Variants in MYO5B observed in about 807,000 individuals in gnomAD.
MYO5B encodes unconventional myosin-Vb.
Under a neutral mutation model 229.3 loss-of-function variants are expected in MYO5B, and 143 were observed. The observed-to-expected ratio is 0.62, with a 90% CI of 0.54 to 0.72. The LOEUF is 0.72. Among genes scored for constraint, MYO5B ranks in the 30% least tolerant of loss-of-function variants. MYO5B has a pLI of 0.00. For synonymous variants in MYO5B, 918 were observed against 885.2 expected, an observed-to-expected ratio of 1.04 and a Z score of -0.66; for missense variants, 2,321 against 2,331.0, an observed-to-expected ratio of 1.00 and a Z score of 0.09.
At chr18:49,864,991 C>A (rs1196054152) in intron 27 of MYO5B, among the ~76,000 whole-genome samples, 1 of 152,158 alleles carries the variant, frequency 6.6e-6, no homozygotes. Context: ...AGGAACTCAA[C>A]TTTGGAACAT....
rs887713195 is a variant in MYO5B at position 49,954,325 on chromosome 18, G to C, written c.1656C>G (p.His552Gln). 2 of 1,614,018 alleles carry C rather than the reference G, an allele frequency of 1.2e-6. No homozygotes were observed. The highest frequency in any genetic ancestry group is 2.2e-5 in the South Asian group (2 of 91,078). The change falls in exon 13 of 40, where the codon CAC becomes CAG. Residue 552 changes from histidine (H) to glutamine (Q), a missense_variant. Around this residue, in one of 2 missense-constraint regions of MYO5B, gnomAD observed 2,113 missense variants for 2,044.7 expected, o/e 1.03. Coordinates refer to ENST00000285039, the MANE Select transcript of MYO5B (RefSeq NM_001080467.3). ...RMSNTAFIIV[H>Q]FADKVEYLSD... is the part of the protein sequence containing the mutation. ...AGAGGAGAGCCACCTTGTCTGCAAA[G>C]TGGACGATGATGAAGGCCGTGTTGG...
chr18:50,142,319 G>C (rs771772936), intron 1 of MYO5B, among the ~76,000 whole-genome samples: 7 of 152,196 alleles, frequency 4.6e-5, no homozygotes, highest in Non-Finnish European at 8.8e-5. Flanking sequence ...TGTTATGAAA[G>C]TGGCTTCAGC....
intron 1 of MYO5B, among the ~76,000 whole-genome samples, chr18:50,112,374 C>T (rs949442064): frequency 1.3e-5 from 2 of 152,166 alleles, no homozygotes; most frequent in Admixed American, 6.5e-5. Flanking sequence ...CCCAACAATA[C>T]TGGCCCATCA....
At chr18:49,890,282 A>G (rs1357726856) in intron 22 of MYO5B, among the ~76,000 whole-genome samples, 1 of 152,206 alleles carries the variant, frequency 6.6e-6, no homozygotes, top group Non-Finnish European at 1.5e-5. Flanking sequence ...ATGCTTTAAC[A>G]ACATAAAACA....
intron 1 of MYO5B, among the ~76,000 whole-genome samples, chr18:50,083,581 T>C (rs2338686): frequency 0.12 from 18,934 of 152,270 alleles, 1,343 homozygotes; most frequent in East Asian, 0.24. Flanking sequence ...CAGGCATGCA[T>C]GCTGCATGTG....
intron 8 of MYO5B, among the ~76,000 whole-genome samples, chr18:49,981,373 A>C (rs147538117): frequency 2.4e-3 from 363 of 152,320 alleles, no homozygotes; most frequent in African/African-American, 8.3e-3. Flanking sequence ...TTTTAAGGCA[A>C]TATTTTATTC....
At chr18:50,119,669 T>C (rs2032025912) in intron 1 of MYO5B, among the ~76,000 whole-genome samples, 1 of 152,172 alleles carries the variant, frequency 6.6e-6, no homozygotes, top group African/African-American at 2.4e-5. Context: ...CTCCTTCTCC[T>C]AAGGGAGGGA....
At chr18:50,024,282 A>G (rs1223841138) in intron 4 of MYO5B, among the ~76,000 whole-genome samples, 1 of 152,142 alleles carries the variant, frequency 6.6e-6, no homozygotes, top group Non-Finnish European at 1.5e-5. Flanking sequence ...TAGTTCAAAC[A>G]CTTATATTAA....
chr18:49,897,146 G>A (rs913757128), intron 21 of MYO5B, among the ~76,000 whole-genome samples: 7 of 152,072 alleles, frequency 4.6e-5, no homozygotes, highest in East Asian at 1.9e-4. Flanking sequence ...TTGTGGAGGC[G>A]GTGCATTTTC....
chr18:50,153,158 G>A (rs1037108880), intron 1 of MYO5B, among the ~76,000 whole-genome samples: 4 of 152,110 alleles, frequency 2.6e-5, no homozygotes, highest in Non-Finnish European at 1.5e-5. Context: ...TTAAATTCCA[G>A]CTTACCCAGT....
intron 13 of MYO5B, 72 bp from the exon 14 acceptor site, chr18:49,953,415 T>C: frequency 7.5e-7 from 1 of 1,335,210 alleles, no homozygotes; most frequent in South Asian, 1.2e-5. Flanking sequence ...TTTCATCTCA[T>C]CCAGGTAGCA....
At chr18:49,842,125 T>C (rs980633674) in intron 34 of MYO5B, among the ~76,000 whole-genome samples, 1 of 150,814 alleles carries the variant, frequency 6.6e-6, no homozygotes, top group Non-Finnish European at 1.5e-5. Context: ...TGAGGTTGAA[T>C]AGAAAGTGAC....
chr18:50,165,692 C>A lies in MYO5B; in HGVS notation c.27+29075G>T, dbSNP rs4261636. ...TCAGGAGGCTGAAGGAGGAGAATCA[C>A]TAGAACCCAGGAAGCAGAGGTTGCA... On this transcript the variant is annotated intron_variant, in intron 1 of 39. Transcript: ENST00000285039. Among the ~76,000 whole-genome samples, 559 of 152,240 alleles carry A rather than the reference C, an allele frequency of 3.7e-3. 5 individuals carry two copies. Among genetic ancestry groups the A allele is most frequent in the African/African-American group, 0.013 (538 of 41,538 alleles).
At chr18:50,183,522 G>A (rs1355409) in intron 1 of MYO5B, among the ~76,000 whole-genome samples, 75,802 of 151,152 alleles carry the variant, frequency 0.5, 19,139 homozygotes, top group Admixed American at 0.59. Context: ...GCCTATTAAA[G>A]TGTCAAGCAT....
At chr18:50,110,190 G>A (rs573929822) in intron 1 of MYO5B, among the ~76,000 whole-genome samples, 4 of 152,030 alleles carry the variant, frequency 2.6e-5, no homozygotes, top group South Asian at 4.2e-4. Flanking sequence ...TTGGCCAAAC[G>A]TGAACTTCTC....
chr18:49,967,102 C>T (rs1366717130), intron 10 of MYO5B, among the ~76,000 whole-genome samples: 1 of 151,910 alleles, frequency 6.6e-6, no homozygotes, highest in African/African-American at 2.4e-5. Context: ...ATCCTTGGGC[C>T]GGAGGAAGGT....
intron 9 of MYO5B, among the ~76,000 whole-genome samples, chr18:49,977,579 C>T (rs1372250117): frequency 6.6e-6 from 1 of 152,082 alleles, no homozygotes; most frequent in African/African-American, 2.4e-5. Flanking sequence ...ACCAGGCAAG[C>T]AGAGGGCAGT....
intron 4 of MYO5B, among the ~76,000 whole-genome samples, chr18:50,008,502 C>T (rs1452099569): frequency 6.6e-6 from 1 of 152,200 alleles, no homozygotes. Flanking sequence ...CTGCCCTATG[C>T]TCAGCCTTCC....
At chr18:49,858,004 T>C (rs916970235) in intron 29 of MYO5B, among the ~76,000 whole-genome samples, 2 of 152,210 alleles carry the variant, frequency 1.3e-5, no homozygotes, top group Non-Finnish European at 2.9e-5. Flanking sequence ...CAGCCCTAAA[T>C]GAGGACCTGT....
Sources: allele counts gnomAD v4.1 joint callset (sites outside exome capture counted in the v4.1 genomes callset), GRCh38; gene constraint gnomAD v4.1.1; regional missense constraint gnomAD v4.1.1; transcripts MANE v1.5; gene names NCBI Gene and HGNC (gene_info 2026-07-23, HGNC 2026-07-21).